The following SGMS1 variants were observed in gnomAD, a reference collection of about 807,000 sequenced individuals.
The protein encoded by SGMS1 is phosphatidylcholine:ceramide cholinephosphotransferase 1.
A neutral mutation model predicts 46.2 loss-of-function variants in SGMS1; 13 were observed. That is an observed-to-expected ratio of 0.28 (90% confidence interval 0.18 to 0.45). The LOEUF is 0.45. Ranked by LOEUF, SGMS1 falls within the 20% of genes least tolerant of loss-of-function variation. The pLI, the probability that SGMS1 is intolerant of heterozygous loss-of-function variation, is 1.00. For synonymous variants in SGMS1, 203 were observed against 187.8 expected (o/e 1.08, Z -0.66); for missense variants, 324 against 519.9 (o/e 0.62, Z 3.66).
intron 3 of SGMS1, among the ~76,000 whole-genome samples, chr10:50,474,719 C>T (rs1176651813): frequency 6.6e-6 from 1 of 151,958 alleles, no homozygotes; most frequent in Non-Finnish European, 1.5e-5. Context: ...AATGCCCTGC[C>T]TCTCCCTTAA....
chr10:50,477,551 C>T (rs886545463), intron 3 of SGMS1, among the ~76,000 whole-genome samples: 10 of 152,146 alleles, frequency 6.6e-5, no homozygotes, highest in Non-Finnish European at 1.2e-4. Context: ...GTGAGAAGGA[C>T]ATGAGATTCG....
intron 1 of SGMS1, among the ~76,000 whole-genome samples, chr10:50,612,556 T>C (rs1039729571): frequency 1.3e-5 from 2 of 152,196 alleles, no homozygotes; most frequent in Non-Finnish European, 2.9e-5. Flanking sequence ...ATTTCACACT[T>C]AGCCAAAAAT....
At chr10:50,585,224 T>G (rs922221432) in intron 2 of SGMS1, among the ~76,000 whole-genome samples, 2 of 152,224 alleles carry the variant, frequency 1.3e-5, no homozygotes, top group African/African-American at 2.4e-5. Context: ...TTGGCTGTTG[T>G]TTCTATTGAG....
intron 2 of SGMS1, among the ~76,000 whole-genome samples, chr10:50,555,302 T>C (rs1013911702): frequency 4.6e-5 from 7 of 152,264 alleles, no homozygotes; most frequent in Non-Finnish European, 8.8e-5. Flanking sequence ...AATTAAAATA[T>C]TAAAATTCAC....
chr10:50,561,716 T>C (rs1243103339), intron 2 of SGMS1, among the ~76,000 whole-genome samples: 1 of 152,220 alleles, frequency 6.6e-6, no homozygotes, highest in African/African-American at 2.4e-5. Flanking sequence ...TCTCAATTGA[T>C]GTAGGAGAAC....
At chr10:50,547,692 T>C (rs1838113230) in intron 2 of SGMS1, among the ~76,000 whole-genome samples, 1 of 152,154 alleles carries the variant, frequency 6.6e-6, no homozygotes, top group South Asian at 2.1e-4. Flanking sequence ...ACTCATTCTA[T>C]GAGGTCAACA....
intron 6 of SGMS1, among the ~76,000 whole-genome samples, chr10:50,393,005 T>G (rs1193528078): frequency 6.6e-6 from 1 of 151,976 alleles, no homozygotes; most frequent in Non-Finnish European, 1.5e-5. Context: ...TTTTTTTTTT[T>G]AATGAACCAA....
chr10:50,437,706 C>T (rs185518138), intron 5 of SGMS1, among the ~76,000 whole-genome samples: 240 of 152,328 alleles, frequency 1.6e-3, no homozygotes, highest in Non-Finnish European at 2.7e-3. Context: ...AATTTACCAA[C>T]ACAGCCTTAG....
chr10:50,567,233 T>A (rs1469026438), intron 2 of SGMS1, among the ~76,000 whole-genome samples: 1 of 152,142 alleles, frequency 6.6e-6, no homozygotes, highest in Non-Finnish European at 1.5e-5. Flanking sequence ...ATGTGAGCCA[T>A]CGCACCCGGC....
chr10:50,587,631 ATATGTGTGTGTGTGTGTGTGTG>A (rs1351093311), intron 2 of SGMS1, among the ~76,000 whole-genome samples: 1 of 118,658 alleles, frequency 8.4e-6, no homozygotes, highest in Non-Finnish European at 1.8e-5. Flanking sequence ...CTCAAAATAT[ATATGTGTGTGTGTGTGTGTGTG>A]TGTGTGTGTG....
At chr10:50,406,917 T>TGC (rs1849023570) in intron 6 of SGMS1, among the ~76,000 whole-genome samples, 2 of 152,180 alleles carry the variant, frequency 1.3e-5, no homozygotes, top group Admixed American at 1.3e-4. Flanking sequence ...TGTCTTGCTA[T>TGC]GTTGCCCAGG....
At chr10:50,373,934 AT>A (rs1026500867) in intron 6 of SGMS1, among the ~76,000 whole-genome samples, 4 of 152,210 alleles carry the variant, frequency 2.6e-5, no homozygotes, top group African/African-American at 9.7e-5. Context: ...CTAAGTACAC[AT>A]TATATAGACA....
intron 3 of SGMS1, among the ~76,000 whole-genome samples, chr10:50,486,288 T>G (rs1162453489): frequency 6.6e-6 from 1 of 152,064 alleles, no homozygotes; most frequent in Non-Finnish European, 1.5e-5. Context: ...CAAAACCAAT[T>G]GCAATAAAAG....
intron 6 of SGMS1, among the ~76,000 whole-genome samples, chr10:50,421,486 G>A (rs1849253896): frequency 6.6e-6 from 1 of 152,130 alleles, no homozygotes; most frequent in African/African-American, 2.4e-5. Flanking sequence ...CCCAAGTCCT[G>A]CCTAGCAGGC....
chr10:50,544,291 A>G (rs1185942329), intron 2 of SGMS1, among the ~76,000 whole-genome samples: 1 of 152,208 alleles, frequency 6.6e-6, no homozygotes, highest in Non-Finnish European at 1.5e-5. Context: ...AAGTAAGGTG[A>G]CTAAGTCACA....
chr10:50,397,943 A>T (rs1038609555), intron 6 of SGMS1, among the ~76,000 whole-genome samples: 1 of 152,016 alleles, frequency 6.6e-6, no homozygotes, highest in Admixed American at 6.6e-5. Flanking sequence ...TCTGCCTCTA[A>T]GCCATTTCGC....
At chr10:50,504,893 C>T (rs1308163106) in intron 3 of SGMS1, among the ~76,000 whole-genome samples, 2 of 152,090 alleles carry the variant, frequency 1.3e-5, no homozygotes, top group Admixed American at 1.3e-4. Context: ...AGCCTCCATA[C>T]CTCTCCCCAG....
At chr10:50,414,093 T>C (rs574163372) in intron 6 of SGMS1, among the ~76,000 whole-genome samples, 1 of 152,344 alleles carries the variant, frequency 6.6e-6, no homozygotes, top group Admixed American at 6.5e-5. Context: ...TAACAGTTAC[T>C]AGACACTCTC....
intron 1 of SGMS1, among the ~76,000 whole-genome samples, chr10:50,607,811 A>T (rs1477411269): frequency 9.2e-5 from 14 of 152,266 alleles, no homozygotes; most frequent in Admixed American, 5.2e-4. Flanking sequence ...GGAGTCACAG[A>T]GAAGACAAGT....
Sources: allele counts gnomAD v4.1 joint callset (sites outside exome capture counted in the v4.1 genomes callset), GRCh38; gene constraint gnomAD v4.1.1; transcripts MANE v1.5; gene names NCBI Gene and HGNC (gene_info 2026-07-23, HGNC 2026-07-21).